Variants in ZNF718 observed in about 807,000 individuals in gnomAD.
The protein encoded by ZNF718 is zinc finger protein 718.
Under a neutral mutation model 2.6 loss-of-function variants are expected in ZNF718, and 3 were observed. The ratio of observed to expected loss-of-function variants is 1.16; its 90% CI spans 0.53 to 3.01. The LOEUF (loss-of-function observed/expected upper bound fraction) is 3.01, where lower values mean the gene tolerates loss of function less well. ZNF718 is among the 30% of genes most tolerant of loss of function. ZNF718 has a pLI of 0.03. For missense variants in ZNF718, 468 were observed against 230.0 expected (o/e 2.03, Z -6.69); for synonymous variants, 135 against 77.9 (o/e 1.73, Z -3.86).
intron 3 of ZNF718, among the ~76,000 whole-genome samples, chr4:187,725 A>G: frequency 6.6e-6 from 1 of 152,110 alleles, no homozygotes; most frequent in Non-Finnish European, 1.5e-5. Context: ...AAAGGGGATG[A>G]GCAACCAATT....
chr4:164,509 TATACTC>T (rs574391708), downstream of ZNF718, among the ~76,000 whole-genome samples: 34 of 152,276 alleles, frequency 2.2e-4, no homozygotes, highest in African/African-American at 7.5e-4. Context: ...TGTTTTGTCT[TATACTC>T]ATGCTAGTGA....
chr4:156,656 GCTTT>G (rs1716581280), intron 3 of ZNF718, among the ~76,000 whole-genome samples: 1 of 152,048 alleles, frequency 6.6e-6, no homozygotes, highest in Non-Finnish European at 1.5e-5. Context: ...AAAAACAATT[GCTTT>G]CTATTTCAGA....
intron 3 of ZNF718, among the ~76,000 whole-genome samples, chr4:138,837 G>A (rs1715687675): frequency 6.6e-6 from 1 of 151,814 alleles, no homozygotes; most frequent in Admixed American, 6.6e-5. Context: ...ATTGTAACTG[G>A]GGTGAGATAA....
intron 3 of ZNF718, among the ~76,000 whole-genome samples, chr4:142,388 A>G (rs1553810408): frequency 1.3e-5 from 2 of 152,234 alleles, no homozygotes; most frequent in Admixed American, 1.3e-4. Context: ...TTATACTTAG[A>G]TAAATAAAAG....
At chr4:149,324 C>G (rs1486628977) in intron 3 of ZNF718, among the ~76,000 whole-genome samples, 1 of 152,102 alleles carries the variant, frequency 6.6e-6, no homozygotes, top group East Asian at 1.9e-4. Context: ...GCCAAAGATT[C>G]AAAATCCCGG....
downstream of ZNF718, among the ~76,000 whole-genome samples, chr4:164,310 T>C (rs532941661): frequency 6.6e-6 from 1 of 152,196 alleles, no homozygotes; most frequent in East Asian, 1.9e-4. Flanking sequence ...GTTTGGAAAT[T>C]TGTACCTATT....
At chr4:145,614 C>T (rs1313279625) in intron 3 of ZNF718, among the ~76,000 whole-genome samples, 5 of 152,106 alleles carry the variant, frequency 3.3e-5, no homozygotes, top group Non-Finnish European at 4.4e-5. Flanking sequence ...AAGCACAAGT[C>T]TGTCTACTTT....
intron 3 of ZNF718, among the ~76,000 whole-genome samples, chr4:138,028 T>C (rs1284630925): frequency 6.6e-6 from 1 of 152,228 alleles, no homozygotes; most frequent in African/African-American, 2.4e-5. Flanking sequence ...ACAGTAGCTT[T>C]TTGTATCTAT....
intron 3 of ZNF718, among the ~76,000 whole-genome samples, chr4:141,012 G>A (rs1197903727): frequency 6.6e-6 from 1 of 152,154 alleles, no homozygotes; most frequent in Non-Finnish European, 1.5e-5. Context: ...GCTACTTAGG[G>A]TGAGCCTGCC....
intron 3 of ZNF718, among the ~76,000 whole-genome samples, chr4:188,947 CAT>C (rs1189178640): frequency 1.5e-5 from 2 of 136,620 alleles, no homozygotes; most frequent in African/African-American, 2.6e-5. Context: ...TTCAAAGTCT[CAT>C]GTGTGTTTGA....
At chr4:187,194 T>C (rs187249198) in intron 3 of ZNF718, among the ~76,000 whole-genome samples, 23 of 152,156 alleles carry the variant, frequency 1.5e-4, no homozygotes, top group Admixed American at 1.0e-3. Context: ...CTTGGTTTTT[T>C]TGTTTTTTTG....
chr4:179,323 A>C (rs1023442507), intron 3 of ZNF718, among the ~76,000 whole-genome samples: 5 of 152,008 alleles, frequency 3.3e-5, no homozygotes, highest in Non-Finnish European at 5.9e-5. Flanking sequence ...GAGGTGTGGT[A>C]CCTCTAACTT....
At chr4:191,442 G>A (rs372231042) in intron 3 of ZNF718, among the ~76,000 whole-genome samples, 14 of 152,048 alleles carry the variant, frequency 9.2e-5, no homozygotes, top group East Asian at 3.9e-4. Context: ...ATGAGTCACC[G>A]CACCCAGCCT....
chr4:190,991 A>G (rs1211407533), intron 3 of ZNF718, among the ~76,000 whole-genome samples: 1 of 152,022 alleles, frequency 6.6e-6, no homozygotes, highest in East Asian at 1.9e-4. Context: ...GTGAGCTGAG[A>G]TCGTGCCACT....
At chr4:126,099 C>T (rs1477202942) in intron 1 of ZNF718, among the ~76,000 whole-genome samples, 1 of 152,200 alleles carries the variant, frequency 6.6e-6, no homozygotes, top group Admixed American at 6.5e-5. Context: ...CTCTTGATAG[C>T]TCCTTGCTGT....
intron 3 of ZNF718, among the ~76,000 whole-genome samples, chr4:151,307 TG>T (rs1716311675): frequency 1.3e-5 from 2 of 151,770 alleles, no homozygotes; most frequent in African/African-American, 4.8e-5. Context: ...GGTTTCACCG[TG>T]TTGCCCAGGC....
downstream of ZNF718, among the ~76,000 whole-genome samples, chr4:166,613 T>A (rs1349708113): frequency 1.3e-5 from 2 of 152,344 alleles, no homozygotes; most frequent in Non-Finnish European, 2.9e-5. Context: ...ATGATGAGCA[T>A]TTTTTCATGT....
intron 3 of ZNF718, among the ~76,000 whole-genome samples, chr4:155,545 G>T (rs1716531147): frequency 6.6e-6 from 1 of 152,180 alleles, no homozygotes; most frequent in Admixed American, 6.5e-5. Context: ...CTGAATTTTG[G>T]CCTTGCATGG....
chr4:159,549 G>A (rs1206733658), intron 3 of ZNF718, among the ~76,000 whole-genome samples: 4 of 152,066 alleles, frequency 2.6e-5, no homozygotes, highest in African/African-American at 4.8e-5. Flanking sequence ...GTGTATCCTA[G>A]TTGAAGCTTG....
Sources: allele counts gnomAD v4.1 joint callset (sites outside exome capture counted in the v4.1 genomes callset), GRCh38; gene constraint gnomAD v4.1.1; transcripts MANE v1.5; gene names NCBI Gene and HGNC (gene_info 2026-07-23, HGNC 2026-07-21).